Variants in PITPNM2 observed in about 807,000 individuals in gnomAD.
The protein encoded by PITPNM2 is phosphatidylinositol transfer protein membrane associated 2.
A neutral mutation model predicts 132.2 loss-of-function variants in PITPNM2; 35 were observed. That is an observed-to-expected ratio of 0.26 (90% CI 0.20 to 0.35). The LOEUF (loss-of-function observed/expected upper bound fraction) is 0.35, where lower values mean the gene tolerates loss of function less well. Ranked by LOEUF, PITPNM2 falls within the 10% of genes least tolerant of loss-of-function variation. The pLI, the probability that PITPNM2 is intolerant of heterozygous loss-of-function variation, is 1.00. For synonymous variants in PITPNM2, 738 were observed against 799.2 expected (o/e 0.92, Z 1.29); for missense variants, 1,332 against 1,912.0 (o/e 0.70, Z 5.66).
chr12:123,132,717 T>C (rs2043294995), intron 1 of PITPNM2, among the ~76,000 whole-genome samples: 1 of 152,108 alleles, frequency 6.6e-6, no homozygotes, highest in Admixed American at 6.5e-5. Flanking sequence ...TTCTACTTTC[T>C]GTATCTGTGT....
chr12:123,005,527 C>T lies in PITPNM2; in HGVS notation c.665G>A (p.Arg222Gln), dbSNP rs1474809792. 9.3e-6 allele frequency: 15 copies of T among 1,613,596 alleles called. No individual in the cohort carries two copies. Among genetic ancestry groups the T allele is most frequent in the Non-Finnish European group, 1.1e-5 (13 of 1,179,936 alleles). Residue 222 changes from arginine to glutamine, a missense_variant, in exon 7 of 26, where the codon CGG becomes CAG. Arg to Gln is a conservative substitution (Grantham distance 43, BLOSUM62 1). Transcript: ENST00000320201. The surrounding 1 kb of genome is among the most constrained non-coding windows in gnomAD (Gnocchi z 6.2). Reference protein sequence around the residue: ...HDTGLRRVMVRAHRQAWCWQD... With the variant: ...HDTGLRRVMVQAHRQAWCWQD... ...CCAGCACCAGGCCTGCCGGTGAGCC[C>T]GCACCATCACCCTCCGTAGTCCTGT...
intron 21 of PITPNM2, 25 bp from the exon 22 acceptor site, chr12:122,987,684 G>A (rs1255134663): frequency 1.2e-6 from 2 of 1,610,980 alleles, no homozygotes; most frequent in African/African-American, 1.3e-5. Context: ...CTGGTCACGG[G>A]CTGGCTGTGT....
chr12:123,094,365 C>T (rs1021121737), intron 2 of PITPNM2, among the ~76,000 whole-genome samples: 8 of 152,200 alleles, frequency 5.3e-5, no homozygotes, highest in East Asian at 1.9e-4. Flanking sequence ...GAGGTGACTC[C>T]GGCTGACCTC....
intron 3 of PITPNM2, among the ~76,000 whole-genome samples, chr12:123,015,498 A>G (rs1211472185): frequency 1.3e-5 from 2 of 152,216 alleles, no homozygotes; most frequent in Non-Finnish European, 2.9e-5. Flanking sequence ...ACAACATGTA[A>G]AAGAATGAAG....
intron 1 of PITPNM2, among the ~76,000 whole-genome samples, chr12:123,115,306 A>G (rs1258437834): frequency 1.3e-5 from 2 of 152,212 alleles, no homozygotes; most frequent in Non-Finnish European, 2.9e-5. Context: ...TATTGGAGGC[A>G]GCAGGGAAAC....
At chr12:123,032,207 C>T (rs934842083) in intron 3 of PITPNM2, among the ~76,000 whole-genome samples, 3 of 152,200 alleles carry the variant, frequency 2.0e-5, no homozygotes, top group South Asian at 2.1e-4. Flanking sequence ...GGCTGGGCAT[C>T]GTGGCTCACG....
rs546974578 is a variant in PITPNM2 at position 122,995,591 on chromosome 12, C to T, written c.1852G>A (p.Gly618Ser). 6.9e-5 allele frequency: 111 copies of T among 1,604,726 alleles called. No homozygotes were observed. The South Asian group carries it at 9.6e-4, about 14-fold the overall frequency. ...CCACCACTGCTGCCACCACCGCCAC[C>T]GCCGCCACCGCCACCACCGCAGCAG... ...AHCCGGGGGG[G>S]GGGGSSGGGG... Residue 618 changes from glycine (G) to serine (S), a missense_variant, in exon 14 of 26, where the codon GGT becomes AGT. Gly to Ser is a moderately conservative substitution (Grantham distance 56). Around this residue, in one of 6 missense-constraint regions of PITPNM2, gnomAD observed 710 missense variants for 911.5 expected, o/e 0.78. Transcript: ENST00000320201.
chr12:122,995,450 T>C lies in PITPNM2; in HGVS notation c.1993A>G (p.Arg665Gly). The change falls in exon 14 of 26, where the codon AGG becomes GGG. Residue 665 changes from arginine (R) to glycine (G), a missense_variant. Arg to Gly is a moderately radical substitution (Grantham distance 125). This residue lies in a region of PITPNM2 where 710 missense variants were observed against 911.5 expected (regional missense o/e 0.78). Coordinates refer to ENST00000320201, the MANE Select transcript of PITPNM2 (RefSeq NM_020845.3). The part of the protein sequence containing the change: ...EDPKRQLPRK[R>G]SDSSTYELDT... ...AGCTCGTAGGTGGATGAGTCGCTCC[T>C]CTTGCGGGGCAGTTGCCTTTTGGGG... 6.2e-7 allele frequency: 1 copy of C among 1,613,884 alleles called. No individual in the cohort carries two copies.
Position 122,997,583 on chromosome 12 carries a change from T to TG in PITPNM2, c.1225-12dup. On this transcript the variant is annotated splice_polypyrimidine_tract_variant and intron_variant, in intron 10 of 25. Coordinates refer to ENST00000320201, the MANE Select transcript of PITPNM2 (RefSeq NM_020845.3). ...CTGGCTAACCTCGTCCTGCATGGGT[T>TG]GGGGGACAGTGTCAGCTCCCCAGGG... is the stretch of plus-strand genomic sequence containing the variant. 6.2e-7 allele frequency: 1 copy of TG among 1,603,380 alleles called. No homozygotes were observed. Among genetic ancestry groups the TG allele is most frequent in the Admixed American group, 1.7e-5 (1 of 59,850 alleles).
At chr12:123,094,155 G>A (rs2042344579) in intron 2 of PITPNM2, among the ~76,000 whole-genome samples, 1 of 152,242 alleles carries the variant, frequency 6.6e-6, no homozygotes, top group African/African-American at 2.4e-5. Flanking sequence ...TGCTGGCTTG[G>A]CCAACAGAGC....
At chr12:122,999,903 G>A (rs2038585176) in intron 10 of PITPNM2, among the ~76,000 whole-genome samples, 1 of 152,206 alleles carries the variant, frequency 6.6e-6, no homozygotes, top group Non-Finnish European at 1.5e-5. Flanking sequence ...CCCCTGGGGG[G>A]GCGTCAGAGC....
rs1232760770 is a variant in PITPNM2 at position 122,986,262 on chromosome 12, G to A, written c.3815C>T (p.Ala1272Val). The A allele has an allele frequency of 1.3e-5, 21 of 1,581,526 alleles. No homozygotes were observed. The highest frequency in any genetic ancestry group is 2.3e-5 in the South Asian group (2 of 87,148). Residue 1272 changes from alanine (A) to valine (V), a missense_variant, in exon 26 of 26, where the codon GCG becomes GTG. Coordinates refer to ENST00000320201, the MANE Select transcript of PITPNM2 (RefSeq NM_020845.3). ...RPARNTATRMALRKGSFGLPG... is the reference protein window; with the variant it reads ...RPARNTATRMVLRKGSFGLPG... The stretch of plus-strand genomic sequence containing the variant: ...CAGGCCGAAGCTGCCCTTGCGCAGC[G>A]CCATGCGGGTGGCCGTGTTGCGAGC...
At chr12:123,045,660 C>T (rs1443487273) in intron 2 of PITPNM2, among the ~76,000 whole-genome samples, 6 of 152,190 alleles carry the variant, frequency 3.9e-5, no homozygotes, top group Admixed American at 2.6e-4. Context: ...CCAACTTACT[C>T]GGGTGCCTGT....
Position 123,097,257 on chromosome 12 carries a change from G to T in PITPNM2, c.-96+13128C>A, listed in dbSNP as rs549833500. ...GGGGTTTTGCCATGTTGGCCAGGCT[G>T]GTCTCGAACTCCTGACCTCAGGTGA... On this transcript the variant is annotated intron_variant, in intron 2 of 25. Coordinates refer to ENST00000320201, the MANE Select transcript of PITPNM2 (RefSeq NM_020845.3). This position sits in a 1 kb window ranked among gnomAD's most constrained non-coding sequence, Gnocchi z 4.7. Among the ~76,000 whole-genome samples, 1 of 152,240 alleles carries T rather than the reference G, an allele frequency of 6.6e-6. No homozygotes were observed. Among genetic ancestry groups the T allele is most frequent in the Admixed American group, 6.5e-5 (1 of 15,300 alleles).
rs558800859 is a variant in PITPNM2, at chr12:123,005,950, T to TA, written c.644-403dup. 78 of 153,956 alleles carry TA rather than the reference T, an allele frequency of 5.1e-4. No individual in the cohort carries two copies. The highest frequency in any genetic ancestry group is 8.3e-4 in the South Asian group (4 of 4,792). The allele number at this position is 153,956 out of a possible 1,614,324, so 9.5% of individuals were successfully genotyped here. On this transcript the variant is annotated intron_variant, in intron 6 of 25. Coordinates refer to ENST00000320201, the MANE Select transcript of PITPNM2 (RefSeq NM_020845.3). This position sits in a 1 kb window ranked among gnomAD's most constrained non-coding sequence, Gnocchi z 6.2. ...CTGTCTCTATAAAAAAAAAAAAAAT[T>TA]AAAAAAAAAAATTAGCTGAGCATGC... is the stretch of plus-strand genomic sequence containing the variant.
At chr12:122,998,570 G>A (rs1209784101) in intron 10 of PITPNM2, among the ~76,000 whole-genome samples, 1 of 152,244 alleles carries the variant, frequency 6.6e-6, no homozygotes, top group South Asian at 2.1e-4. Flanking sequence ...GGGCCTGAGA[G>A]GGGCCACTGA....
intron 10 of PITPNM2, 95 bp from the exon 11 acceptor site, chr12:122,997,667 G>A (rs996385704): frequency 5.3e-6 from 8 of 1,501,614 alleles, no homozygotes; most frequent in South Asian, 3.7e-5. Flanking sequence ...CCTCTTGCAC[G>A]CAGCCCAACT....
intron 1 of PITPNM2, among the ~76,000 whole-genome samples, chr12:123,118,046 C>G (rs867699094): frequency 2.0e-5 from 3 of 152,222 alleles, no homozygotes; most frequent in Admixed American, 6.5e-5. Context: ...CACATGGAGG[C>G]CACTCACAGA....
intron 2 of PITPNM2, among the ~76,000 whole-genome samples, chr12:123,065,225 A>C (rs1183688166): frequency 6.6e-6 from 1 of 152,192 alleles, no homozygotes; most frequent in African/African-American, 2.4e-5. Flanking sequence ...GCATCCAAAA[A>C]ACCAGAAGAA....
Sources: allele counts gnomAD v4.1 joint callset (sites outside exome capture counted in the v4.1 genomes callset), GRCh38; gene constraint gnomAD v4.1.1; regional missense constraint gnomAD v4.1.1; non-coding constraint Gnocchi (gnomAD v3.1); transcripts MANE v1.5; gene names NCBI Gene and HGNC (gene_info 2026-07-23, HGNC 2026-07-21).